CAND1: variants seen among roughly 807,000 people sequenced by gnomAD.
CAND1 encodes the protein cullin associated and neddylation dissociated 1, also known as cullin-associated NEDD8-dissociated protein 1.
Under a neutral mutation model 108.5 loss-of-function variants are expected in CAND1, and 7 were observed. The ratio of observed to expected loss-of-function variants is 0.06; its 90% CI spans 0.04 to 0.12. CAND1 has a LOEUF of 0.12. CAND1 is among the 10% of genes least tolerant of loss of function. The pLI, the probability that CAND1 is intolerant of heterozygous loss-of-function variation, is 1.00. For missense variants in CAND1, 941 were observed against 1,448.7 expected, an observed-to-expected ratio of 0.65 and a Z score of 5.69; for synonymous variants, 534 against 512.0, an observed-to-expected ratio of 1.04 and a Z score of -0.58.
chr12:67,279,349 A>G (rs2044599093), intron 1 of CAND1, among the ~76,000 whole-genome samples: 1 of 152,184 alleles, frequency 6.6e-6, no homozygotes, highest in Non-Finnish European at 1.5e-5. Flanking sequence ...CATACCTAAA[A>G]GAGTAAATGC....
chr12:67,297,672 T>A lies in CAND1; in HGVS notation c.748+9T>A, dbSNP rs987010911. The A allele has an allele frequency of 6.2e-7, 1 of 1,600,998 alleles. No homozygotes were observed. Among genetic ancestry groups the A allele is most frequent in the Non-Finnish European group, 8.5e-7 (1 of 1,174,784 alleles). On this transcript the variant is annotated intron_variant, in intron 5 of 14. Transcript: ENST00000545606. The stretch of plus-strand genomic sequence containing the variant: ...AGCTGGTCATAGAATAGGTAAGAAA[T>A]CTTTAAAAGTTTTACAGTTTTCTTT...
intron 10 of CAND1, 41 bp downstream of exon 10, chr12:67,306,638 A>G (rs2044889377): frequency 1.4e-6 from 2 of 1,476,808 alleles, no homozygotes; most frequent in South Asian, 1.4e-5. Flanking sequence ...TTTTTTATTG[A>G]TAGTTGGTTG....
In CAND1 at chr12:67,313,510, C is replaced by A. The variant is rs1335802154; in HGVS notation, c.*680C>A. 2 of 152,426 alleles carry A rather than the reference C, an allele frequency of 1.3e-5. No individual in the cohort carries two copies. The highest frequency in any genetic ancestry group is 1.9e-4 in the East Asian group (1 of 5,190). The allele number at this position is 152,426 out of a possible 1,614,324, so 9.4% of individuals were successfully genotyped here. ...ATAGAAGTTAAAATAAGTATTAGTG[C>A]AATTTTCAGATATTTATTTTTGCAC... is the stretch of plus-strand genomic sequence containing the variant. On this transcript the variant is annotated 3_prime_UTR_variant, in exon 15 of 15. Coordinates refer to ENST00000545606, the MANE Select transcript of CAND1 (RefSeq NM_018448.5).
At chr12:67,271,910 T>C (rs1442008758) in intron 1 of CAND1, among the ~76,000 whole-genome samples, 5 of 152,232 alleles carry the variant, frequency 3.3e-5, no homozygotes, top group African/African-American at 1.2e-4. Flanking sequence ...ACTTTATATG[T>C]TTAGTTTAAA....
chr12:67,311,822 C>T (rs763154948), intron 14 of CAND1, 22 bp downstream of exon 14: 2 of 1,405,836 alleles, frequency 1.4e-6, no homozygotes, highest in Non-Finnish European at 2.0e-6. Flanking sequence ...TAAGTATCAA[C>T]CTAGGTCAGA....
In CAND1 at chr12:67,304,477, T is replaced by G. The variant is rs79736033; in HGVS notation, c.1294-128T>G. 3.7e-3 allele frequency: 3,272 copies of G among 894,342 alleles called. 74 individuals are homozygous for G. In the African/African-American group the frequency reaches 0.048, roughly 13 times the overall value. 55.4% of individuals were successfully genotyped at this position (894,342 alleles called of 1,614,324 possible). A position where few individuals can be genotyped will look rare whatever the true frequency, so the allele number is the denominator to read the frequency against. On this transcript the variant is annotated intron_variant, in intron 8 of 14. Transcript: ENST00000545606. ...ATCTTGTGTTAGCAATAGCAATAGA[T>G]AGCTGAATTAGGAATTTAACAAAAA...
At chr12:67,309,793 TAAC>T in intron 11 of CAND1, 105 bp from the exon 12 acceptor site, 2 of 772,284 alleles carry the variant, frequency 2.6e-6, no homozygotes, top group Non-Finnish European at 4.0e-6. Flanking sequence ...ACTGAAGAAA[TAAC>T]AATGACACCA....
intron 9 of CAND1, 112 bp from the exon 10 acceptor site, chr12:67,304,992 T>C (rs2044863965): frequency 7.2e-6 from 7 of 969,836 alleles, no homozygotes; most frequent in Middle Eastern, 3.3e-4. Context: ...TTTCTACTTA[T>C]AGAAATAATA....
At chr12:67,294,915 G>T in intron 3 of CAND1, 118 bp from the exon 4 acceptor site, 1 of 1,003,314 alleles carries the variant, frequency 1.0e-6, no homozygotes, top group Non-Finnish European at 1.4e-6. Context: ...TTCTGCCCTG[G>T]ATCTGTTGTG....
chr12:67,317,473 A>ATTTTTTTTTTT lies in CAND1; in HGVS notation c.*4656_*4666dup, dbSNP rs61481589. 77 of 88,136 alleles carry ATTTTTTTTTTT rather than the reference A, an allele frequency of 8.7e-4. No homozygotes were observed. Among genetic ancestry groups the ATTTTTTTTTTT allele is most frequent in the African/African-American group, 1.6e-3 (30 of 18,432 alleles). 5.5% of individuals were successfully genotyped at this position (88,136 alleles called of 1,614,324 possible). On this transcript the variant is annotated 3_prime_UTR_variant, in exon 15 of 15. Transcript: ENST00000545606. ...CTTTTTTCTTTTTTTTTCTTTCTTA[A>ATTTTTTTTTTT]TTTTTTTTTTTTTTTTTTTTTTTGA...
At position 67,302,511 on chromosome 12, in the gene CAND1, G is replaced by T. The variant is rs755694974; in HGVS notation, c.1189G>T (p.Ala397Ser). The T allele has an allele frequency of 4.3e-6, 7 of 1,614,036 alleles. No homozygotes were observed. The Admixed American group carries it at 6.7e-5, about 15-fold the overall frequency. Residue 397 changes from alanine (A) to serine (S), a missense_variant, in exon 8 of 15, where the codon GCA (alanine) becomes TCA (serine). Around this residue, in one of 9 missense-constraint regions of CAND1, gnomAD observed 697 missense variants for 942.0 expected, o/e 0.74. Transcript: ENST00000545606. ...EENVKADVFHAYLSLLKQTRP... is the reference protein window; with the variant it reads ...EENVKADVFHSYLSLLKQTRP... Reference sequence around the variant, plus strand: ...GAATGTAAAGGCAGATGTTTTTCACGCATACCTTTCTCTTTTGAAGCAAAC... The same window carrying T: ...GAATGTAAAGGCAGATGTTTTTCACTCATACCTTTCTCTTTTGAAGCAAAC...
At chr12:67,302,708 A>G (rs1485073737) in intron 8 of CAND1, 93 bp downstream of exon 8, 2 of 1,094,800 alleles carry the variant, frequency 1.8e-6, no homozygotes, top group Admixed American at 2.3e-5. Flanking sequence ...CAGAATATCT[A>G]TAGAGAAGCA....
rs1347734613 is a variant in CAND1 at position 67,312,861 on chromosome 12, T to C, written c.*31T>C. 1 of 1,371,774 alleles carries C rather than the reference T, an allele frequency of 7.3e-7. No individual in the cohort carries two copies. Among genetic ancestry groups the C allele is most frequent in the Non-Finnish European group, 1.0e-6 (1 of 975,464 alleles). The allele number at this position is 1,371,774 out of a possible 1,614,324, so 85.0% of individuals were successfully genotyped here. A position where few individuals can be genotyped will look rare whatever the true frequency, so the allele number is the denominator to read the frequency against. ...TGTTCACCATGGGGACCATTACATA[T>C]GACCATACAATGCACTGAATTGACA... On this transcript the variant is annotated 3_prime_UTR_variant, in exon 15 of 15. Transcript: ENST00000545606.
rs746251821 is a variant in CAND1 at position 67,281,651 on chromosome 12, G to A, written c.69-259G>A. On this transcript the variant is annotated intron_variant, in intron 1 of 14. Transcript: ENST00000545606. ...CTGGGGAAAATAATTTTGGATAGTG[G>A]TACCTCATATAAAAGCATATCAGTA... is the stretch of plus-strand genomic sequence containing the variant. Among the ~76,000 whole-genome samples the A allele has an allele frequency of 3.3e-5, 5 of 152,102 alleles. No individual in the cohort carries two copies. In the South Asian group the frequency reaches 6.2e-4, roughly 19 times the overall value.
chr12:67,307,582 T>C, intron 11 of CAND1, 90 bp downstream of exon 11: 1 of 765,416 alleles, frequency 1.3e-6, no homozygotes, highest in South Asian at 1.7e-5. Flanking sequence ...TATCGAGGAA[T>C]TAAAATGCTT....
At chr12:67,286,762 C>G (rs959301945) in intron 2 of CAND1, among the ~76,000 whole-genome samples, 1 of 152,074 alleles carries the variant, frequency 6.6e-6, no homozygotes, top group African/African-American at 2.4e-5. Flanking sequence ...AAGGTTTTCT[C>G]CAAATAAGAT....
intron 2 of CAND1, among the ~76,000 whole-genome samples, chr12:67,287,541 A>G (rs1028406489): frequency 1.1e-4 from 16 of 152,160 alleles, no homozygotes; most frequent in Admixed American, 1.3e-4. Context: ...TACCTAAACA[A>G]TCGTCATCAG....
At chr12:67,303,394 TACTC>T (rs556240353) in intron 8 of CAND1, among the ~76,000 whole-genome samples, 12 of 152,202 alleles carry the variant, frequency 7.9e-5, no homozygotes, top group Non-Finnish European at 1.6e-4. Flanking sequence ...GTGGTGAACT[TACTC>T]ATAAAGGTGA....
chr12:67,289,911 G>A (rs1280444507), intron 2 of CAND1, among the ~76,000 whole-genome samples: 2 of 151,868 alleles, frequency 1.3e-5, no homozygotes, highest in African/African-American at 4.8e-5. Context: ...GTCATCAGTT[G>A]AGCATCTATT....
Sources: gnomAD v4.1 joint callset for allele counts (sites outside exome capture counted in the v4.1 genomes callset) on GRCh38, gnomAD v4.1.1 for gene constraint, gnomAD v4.1.1 regional missense constraint, MANE v1.5 for transcripts, NCBI Gene and HGNC (gene_info 2026-07-23, HGNC 2026-07-21) for gene names.